The following AUTS2 variants were observed in gnomAD, a reference collection of about 807,000 sequenced individuals.
The protein encoded by AUTS2 is autism susceptibility gene 2 protein.
A neutral mutation model predicts 112.4 loss-of-function variants in AUTS2; 17 were observed. The ratio of observed to expected loss-of-function variants is 0.15; its 90% confidence interval spans 0.10 to 0.23. The LOEUF is 0.23. Ranked by LOEUF, AUTS2 falls within the 10% of genes least tolerant of loss-of-function variation. The probability of loss-of-function intolerance (pLI) is 1.00; values close to 1 mark genes in which losing one functional copy is unlikely to be tolerated. For synonymous variants in AUTS2, 751 were observed against 702.7 expected, an observed-to-expected ratio of 1.07 and a Z score of -1.09; for missense variants, 1,510 against 1,701.6, an observed-to-expected ratio of 0.89 and a Z score of 1.98.
At chr7:70,589,520 C>G (rs1487775394) in intron 5 of AUTS2, among the ~76,000 whole-genome samples, 1 of 152,140 alleles carries the variant, frequency 6.6e-6, no homozygotes, top group Admixed American at 6.5e-5. Flanking sequence ...TTGAGACCAG[C>G]CTAGCCAACA....
At chr7:70,060,215 T>G (rs1477097067) in intron 2 of AUTS2, among the ~76,000 whole-genome samples, 7 of 152,208 alleles carry the variant, frequency 4.6e-5, no homozygotes, top group African/African-American at 1.4e-4. Flanking sequence ...TTGGTATGCT[T>G]CATCTCTTTC....
At chr7:70,663,406 A>T (rs540026176) in intron 5 of AUTS2, among the ~76,000 whole-genome samples, 4 of 152,304 alleles carry the variant, frequency 2.6e-5, no homozygotes, top group Admixed American at 2.0e-4. Flanking sequence ...TTTAAAAAAG[A>T]AAAGAAAAGA....
At chr7:70,194,263 A>G (rs1696044985) in intron 4 of AUTS2, among the ~76,000 whole-genome samples, 2 of 152,112 alleles carry the variant, frequency 1.3e-5, no homozygotes, top group South Asian at 4.1e-4. Context: ...TACAAAAATT[A>G]GCTGGATGTG....
chr7:70,021,803 A>G (rs911145507), intron 2 of AUTS2, among the ~76,000 whole-genome samples: 1 of 152,196 alleles, frequency 6.6e-6, no homozygotes, highest in Non-Finnish European at 1.5e-5. Flanking sequence ...TACAGCCTTC[A>G]GCATTGCTTT....
intron 2 of AUTS2, among the ~76,000 whole-genome samples, chr7:70,035,645 C>T (rs1427669694): frequency 6.6e-6 from 1 of 152,154 alleles, no homozygotes; most frequent in Non-Finnish European, 1.5e-5. Context: ...AGCTATGAGA[C>T]CTTAGGTCAC....
At chr7:70,187,302 C>T (rs554735274) in intron 4 of AUTS2, among the ~76,000 whole-genome samples, 39 of 152,048 alleles carry the variant, frequency 2.6e-4, no homozygotes, top group Non-Finnish European at 4.9e-4. Flanking sequence ...ATGTTGATCA[C>T]TTTTTGTTTG....
At chr7:69,611,391 A>ATGTTGAGACCTGCTG (rs1419258156) in intron 1 of AUTS2, among the ~76,000 whole-genome samples, 1 of 152,206 alleles carries the variant, frequency 6.6e-6, no homozygotes, top group Non-Finnish European at 1.5e-5. Flanking sequence ...TCACACCTGA[A>ATGTTGAGACCTGCTG]TGTTGAGACC....
intron 1 of AUTS2, among the ~76,000 whole-genome samples, chr7:69,892,075 G>C (rs1584401545): frequency 6.6e-6 from 1 of 151,702 alleles, no homozygotes; most frequent in South Asian, 2.1e-4. Context: ...ACAGGCATGA[G>C]CTGCCACACC....
chr7:70,060,271 A>G (rs1001808035), intron 2 of AUTS2, among the ~76,000 whole-genome samples: 5 of 152,242 alleles, frequency 3.3e-5, no homozygotes, highest in Non-Finnish European at 5.9e-5. Context: ...AATGCTAGAT[A>G]AAGAGAAGAA....
chr7:70,041,617 A>C (rs1801250355), intron 2 of AUTS2, among the ~76,000 whole-genome samples: 1 of 152,214 alleles, frequency 6.6e-6, no homozygotes, highest in Admixed American at 6.5e-5. Flanking sequence ...GAAAAATAAA[A>C]GCAGACACTC....
chr7:70,454,491 C>G (rs1796655843), intron 5 of AUTS2, among the ~76,000 whole-genome samples: 1 of 152,080 alleles, frequency 6.6e-6, no homozygotes, highest in African/African-American at 2.4e-5. Flanking sequence ...AAGCCGAGAT[C>G]ACGCCATTGC....
chr7:69,623,092 T>G (rs1793750936), intron 1 of AUTS2, among the ~76,000 whole-genome samples: 1 of 152,196 alleles, frequency 6.6e-6, no homozygotes, highest in Admixed American at 6.5e-5. Flanking sequence ...TGTGCAGTGG[T>G]TTCTAAACCG....
intron 4 of AUTS2, among the ~76,000 whole-genome samples, chr7:70,326,692 A>G (rs557314040): frequency 3.8e-4 from 58 of 152,210 alleles, no homozygotes; most frequent in African/African-American, 1.3e-3. Flanking sequence ...GATCAAGTCT[A>G]TTTTACTCTA....
chr7:70,470,643 G>A (rs1452281121), intron 5 of AUTS2, among the ~76,000 whole-genome samples: 1 of 152,178 alleles, frequency 6.6e-6, no homozygotes, highest in South Asian at 2.1e-4. Flanking sequence ...AGAGACTTAA[G>A]TCAGTAAATG....
At chr7:69,723,873 T>C (rs73438129) in intron 1 of AUTS2, among the ~76,000 whole-genome samples, 4 of 152,166 alleles carry the variant, frequency 2.6e-5, no homozygotes, top group African/African-American at 9.7e-5. Context: ...AGTCTTAGTC[T>C]GCCTCCTCAG....
At chr7:69,606,611 G>A (rs972971930) in intron 1 of AUTS2, among the ~76,000 whole-genome samples, 3 of 151,780 alleles carry the variant, frequency 2.0e-5, no homozygotes, top group African/African-American at 7.3e-5. Context: ...TTCAGAATTA[G>A]GATTAAACCC....
Position 69,811,503 on chromosome 7 carries a change from A to G in AUTS2, c.310-87783A>G, listed in dbSNP as rs547162570. On this transcript the variant is annotated intron_variant, in intron 1 of 18. Transcript: ENST00000342771. Reference sequence around the variant, plus strand: ...GACTAGATCCAAGCCTCCCTTTCTGATCTTATTTCTATTCATTACCTTCAT... The same window carrying G: ...GACTAGATCCAAGCCTCCCTTTCTGGTCTTATTTCTATTCATTACCTTCAT... Among the ~76,000 whole-genome samples the G allele has an allele frequency of 1.6e-4, 25 of 152,066 alleles. No individual in the cohort carries two copies. In the South Asian group the frequency reaches 5.2e-3, roughly 32 times the overall value.
At chr7:69,911,438 G>T (rs745669112) in intron 2 of AUTS2, among the ~76,000 whole-genome samples, 22 of 152,188 alleles carry the variant, frequency 1.4e-4, no homozygotes, top group Non-Finnish European at 3.2e-4. Context: ...GGGAAAGTGT[G>T]TTTCAGCCCT....
At chr7:69,777,051 T>A (rs1191571799) in intron 1 of AUTS2, among the ~76,000 whole-genome samples, 1 of 152,214 alleles carries the variant, frequency 6.6e-6, no homozygotes, top group Non-Finnish European at 1.5e-5. Context: ...CCACTACCTT[T>A]AATTGTCCTT....
Sources: allele counts gnomAD v4.1 joint callset (sites outside exome capture counted in the v4.1 genomes callset), GRCh38; gene constraint gnomAD v4.1.1; transcripts MANE v1.5; gene names NCBI Gene and HGNC (gene_info 2026-07-23, HGNC 2026-07-21).